Variants in PCLO observed in about 807,000 individuals in gnomAD.
PCLO encodes the protein piccolo presynaptic cytomatrix protein.
A neutral mutation model predicts 427.5 loss-of-function variants in PCLO; 82 were observed. The ratio of observed to expected loss-of-function variants is 0.19; its 90% CI spans 0.16 to 0.23. The LOEUF (loss-of-function observed/expected upper bound fraction) is 0.23. Ranked by LOEUF, PCLO falls within the 10% of genes least tolerant of loss-of-function variation. The pLI is 1.00. For synonymous variants in PCLO, 2,357 were observed against 2,155.4 expected, an observed-to-expected ratio of 1.09 and a Z score of -2.59; for missense variants, 6,239 against 6,115.9, an observed-to-expected ratio of 1.02 and a Z score of -0.67.
intron 3 of PCLO, among the ~76,000 whole-genome samples, chr7:83,127,381 A>G (rs1199654232): frequency 6.6e-6 from 1 of 152,138 alleles, no homozygotes; most frequent in Non-Finnish European, 1.5e-5. Context: ...CATGTCAGTC[A>G]CTATGTGTAT....
chr7:83,119,685 G>T (rs1584048412), intron 3 of PCLO, among the ~76,000 whole-genome samples: 1 of 151,922 alleles, frequency 6.6e-6, no homozygotes, highest in Non-Finnish European at 1.5e-5. Context: ...CTCACTAAAT[G>T]AACTAAATAT....
At chr7:83,108,116 T>A (rs1790913340) in intron 3 of PCLO, among the ~76,000 whole-genome samples, 1 of 151,936 alleles carries the variant, frequency 6.6e-6, no homozygotes, top group Non-Finnish European at 1.5e-5. Context: ...GATAAAGTAC[T>A]ACAGTTTATA....
chr7:83,147,733 CCA>C (rs1473564106), intron 2 of PCLO, among the ~76,000 whole-genome samples: 1 of 151,794 alleles, frequency 6.6e-6, no homozygotes, highest in African/African-American at 2.4e-5. Context: ...TTAAATTATA[CCA>C]GTGTTAATTT....
At chr7:82,848,560 C>A (rs1172823419) in intron 10 of PCLO, among the ~76,000 whole-genome samples, 3 of 152,022 alleles carry the variant, frequency 2.0e-5, no homozygotes, top group African/African-American at 7.2e-5. Flanking sequence ...ATCCGCCTGC[C>A]TCAGCCTCCC....
chr7:82,920,329 A>G (rs1396456488), intron 6 of PCLO, among the ~76,000 whole-genome samples: 2 of 151,848 alleles, frequency 1.3e-5, no homozygotes, highest in African/African-American at 4.8e-5. Context: ...CAGTCTAGAA[A>G]AAAACTTGTT....
At chr7:82,945,476 G>A (rs1159394162) in intron 6 of PCLO, among the ~76,000 whole-genome samples, 1 of 152,176 alleles carries the variant, frequency 6.6e-6, no homozygotes, top group Non-Finnish European at 1.5e-5. Context: ...GGTCTTTACA[G>A]AGGTAATCAA....
intron 3 of PCLO, among the ~76,000 whole-genome samples, chr7:83,119,663 G>GA (rs1481606750): frequency 6.6e-6 from 1 of 151,464 alleles, no homozygotes; most frequent in African/African-American, 2.4e-5. Context: ...AAACATCCAG[G>GA]AAAAAAATGA....
intron 22 of PCLO, among the ~76,000 whole-genome samples, chr7:82,792,981 C>CT (rs1001364242): frequency 7.0e-6 from 1 of 142,852 alleles, no homozygotes; most frequent in Non-Finnish European, 1.5e-5. Context: ...ACTTAATTTT[C>CT]TTTTTTTCCT....
chr7:82,997,554 A>T (rs1417582400), intron 3 of PCLO, among the ~76,000 whole-genome samples: 1 of 152,010 alleles, frequency 6.6e-6, no homozygotes, highest in South Asian at 2.1e-4. Flanking sequence ...CCTATAATCT[A>T]TAAATTACTT....
At chr7:83,087,990 T>A (rs1790282741) in intron 3 of PCLO, among the ~76,000 whole-genome samples, 1 of 152,214 alleles carries the variant, frequency 6.6e-6, no homozygotes, top group African/African-American at 2.4e-5. Flanking sequence ...AATATTATGC[T>A]AAAATATAAT....
intron 3 of PCLO, among the ~76,000 whole-genome samples, chr7:83,120,335 G>C (rs1417607020): frequency 6.7e-6 from 1 of 150,200 alleles, no homozygotes; most frequent in African/African-American, 2.5e-5. Flanking sequence ...CTGGGAGGCA[G>C]AGGTTGAGGG....
Position 82,845,303 on chromosome 7 carries a change from A to G in PCLO, c.14014T>C (p.Ser4672Pro). Residue 4672 changes from serine to proline, a missense_variant, in exon 13 of 25, where the codon TCA becomes CCA. Physicochemically the swap from Ser to Pro is moderately conservative, Grantham distance 74 (BLOSUM62 -1). Coordinates refer to ENST00000333891, the MANE Select transcript of PCLO (RefSeq NM_033026.6). ...VPSPGQPGSP[S>P]VSKKKHGSSK... ...CTGCCGTGCTTCTTTTTGCTCACTG[A>G]GGGGGACCCTGGTTGCCCAGGGCTG... 1 of 1,613,392 alleles carries G rather than the reference A, an allele frequency of 6.2e-7. No homozygotes were observed. Among genetic ancestry groups the G allele is most frequent in the South Asian group, 1.1e-5 (1 of 91,078 alleles).
chr7:83,016,669 G>C (rs1330190083), intron 3 of PCLO, among the ~76,000 whole-genome samples: 1 of 152,092 alleles, frequency 6.6e-6, no homozygotes, highest in Non-Finnish European at 1.5e-5. Flanking sequence ...AAGGAAGAGA[G>C]ACATCACTGG....
At chr7:83,050,208 GAAAAAAAAAAAAAA>G (rs556193471) in intron 3 of PCLO, among the ~76,000 whole-genome samples, 2 of 5,456 alleles carry the variant, frequency 3.7e-4, no homozygotes, top group African/African-American at 5.0e-4. Flanking sequence ...CTGAAAAACT[GAAAAAAAAAAAAAA>G]AAAAAAAAAA....
At chr7:83,022,552 C>A (rs1788371531) in intron 3 of PCLO, among the ~76,000 whole-genome samples, 1 of 152,066 alleles carries the variant, frequency 6.6e-6, no homozygotes, top group African/African-American at 2.4e-5. Context: ...ATATTGTTGG[C>A]AAATCCTAGC....
chr7:82,940,156 C>G (rs971934382), intron 6 of PCLO, among the ~76,000 whole-genome samples: 12 of 152,116 alleles, frequency 7.9e-5, no homozygotes, highest in African/African-American at 2.9e-4. Context: ...TCAATGAAAT[C>G]TGAGCTTGTT....
rs1226986104 is a variant in PCLO, at chr7:82,952,477, G to A, written c.8476C>T (p.Leu2826Phe). ...AEHAMTTPLQ[L>F]TTSKHAEPPY... The stretch of plus-strand genomic sequence containing the variant: ...GGCTCAGCATGCTTTGATGTTGTAA[G>A]TTGGAGTGGTGTTGTCATTGCATGT... The change falls in exon 5 of 25, where the codon CTT (leucine) becomes TTT (phenylalanine). Residue 2826 changes from leucine to phenylalanine, a missense_variant. By Grantham distance (22) the Leu-to-Phe change is conservative. Transcript: ENST00000333891. 2.5e-6 allele frequency: 4 copies of A among 1,613,890 alleles called. No homozygotes were observed. Among genetic ancestry groups the A allele is most frequent in the South Asian group, 1.1e-5 (1 of 91,084 alleles).
At chr7:82,917,118 A>G (rs1225214231) in intron 6 of PCLO, among the ~76,000 whole-genome samples, 1 of 152,118 alleles carries the variant, frequency 6.6e-6, no homozygotes, top group South Asian at 2.1e-4. Flanking sequence ...CTTATTTTCA[A>G]GCTAAATTAA....
intron 6 of PCLO, among the ~76,000 whole-genome samples, chr7:82,935,823 A>T (rs1160201214): frequency 6.6e-6 from 1 of 151,664 alleles, no homozygotes; most frequent in African/African-American, 2.4e-5. Context: ...TCAAGAATTG[A>T]TCCCTCTATT....
Sources: allele counts gnomAD v4.1 joint callset (sites outside exome capture counted in the v4.1 genomes callset), GRCh38; gene constraint gnomAD v4.1.1; transcripts MANE v1.5; gene names NCBI Gene and HGNC (gene_info 2026-07-23, HGNC 2026-07-21).